Variants in HEMK2 observed in about 807,000 individuals in gnomAD.
The protein encoded by HEMK2 is methyltransferase HEMK2.
At chr21:28,583,756 T>C in the HEMK2 span, among the ~76,000 whole-genome samples, 2 of 152,190 alleles carry the variant, frequency 1.3e-5, no homozygotes, top group Admixed American at 6.5e-5. Context: ...CTGTGAATGA[T>C]TTCCCATTGT....
the HEMK2 span, among the ~76,000 whole-genome samples, chr21:28,737,075 C>T: frequency 1.3e-5 from 2 of 152,098 alleles, no homozygotes; most frequent in East Asian, 3.8e-4. Context: ...GTTGAGGAGG[C>T]AGATTTTCTG....
At chr21:28,848,922 C>T in the HEMK2 span, among the ~76,000 whole-genome samples, 26 of 152,296 alleles carry the variant, frequency 1.7e-4, no homozygotes, top group African/African-American at 5.8e-4. Context: ...CCCCTGCCTG[C>T]GCTCTGCCAC....
chr21:28,831,459 G>GA, the HEMK2 span, among the ~76,000 whole-genome samples: 5 of 31,042 alleles, frequency 1.6e-4, no homozygotes, highest in African/African-American at 1.0e-3. Context: ...AGAAAGAAAA[G>GA]AACGAAAGAA....
the HEMK2 span, among the ~76,000 whole-genome samples, chr21:28,816,520 G>T: frequency 1.3e-4 from 20 of 151,994 alleles, no homozygotes; most frequent in Admixed American, 1.3e-3. Context: ...AAATAAAAAT[G>T]AAAATGAAAA....
the HEMK2 span, among the ~76,000 whole-genome samples, chr21:28,768,230 G>A: frequency 6.6e-6 from 1 of 152,098 alleles, no homozygotes; most frequent in Non-Finnish European, 1.5e-5. Context: ...ACCACTGGAG[G>A]TTGGTGGAAG....
the HEMK2 span, among the ~76,000 whole-genome samples, chr21:28,767,110 TG>T: frequency 6.6e-6 from 1 of 152,020 alleles, no homozygotes; most frequent in African/African-American, 2.4e-5. Context: ...TGAGATCTGA[TG>T]GTTATAAAAA....
At chr21:28,807,436 G>C in the HEMK2 span, among the ~76,000 whole-genome samples, 2 of 152,156 alleles carry the variant, frequency 1.3e-5, no homozygotes, top group African/African-American at 4.8e-5. Flanking sequence ...ATTGTTATCA[G>C]GGATTGCCCT....
chr21:28,730,758 T>G, the HEMK2 span, among the ~76,000 whole-genome samples: 1 of 151,984 alleles, frequency 6.6e-6, no homozygotes, highest in East Asian at 1.9e-4. Flanking sequence ...AAGCCAGAAG[T>G]CACAATGTTT....
At chr21:28,705,190 C>T in the HEMK2 span, among the ~76,000 whole-genome samples, 2 of 152,180 alleles carry the variant, frequency 1.3e-5, no homozygotes, top group East Asian at 3.9e-4. Context: ...GATCAAGGCT[C>T]AAAATATTAA....
the HEMK2 span, among the ~76,000 whole-genome samples, chr21:28,719,368 GT>G: frequency 6.6e-6 from 1 of 152,116 alleles, no homozygotes; most frequent in Non-Finnish European, 1.5e-5. Context: ...CATGGGGGTG[GT>G]TTCCCCCATA....
At chr21:28,612,306 CACAA>C in the HEMK2 span, among the ~76,000 whole-genome samples, 2 of 151,986 alleles carry the variant, frequency 1.3e-5, no homozygotes, top group Non-Finnish European at 2.9e-5. Flanking sequence ...CTATATACCA[CACAA>C]ACAGAATTTA....
At chr21:28,606,868 T>G in the HEMK2 span, among the ~76,000 whole-genome samples, 2,825 of 152,314 alleles carry the variant, frequency 0.019, 108 homozygotes, top group African/African-American at 0.065. Context: ...AAGAAATTGC[T>G]ATCTTAACCT....
At chr21:28,638,323 A>T in the HEMK2 span, among the ~76,000 whole-genome samples, 2 of 152,134 alleles carry the variant, frequency 1.3e-5, no homozygotes, top group Admixed American at 1.3e-4. Flanking sequence ...CACTATGTGA[A>T]AGGAGGTATA....
the HEMK2 span, among the ~76,000 whole-genome samples, chr21:28,741,039 ATG>A: frequency 6.6e-6 from 1 of 152,148 alleles, no homozygotes; most frequent in Non-Finnish European, 1.5e-5. Context: ...TAATATACAC[ATG>A]TGTTAGCTCC....
the HEMK2 span, among the ~76,000 whole-genome samples, chr21:28,640,624 G>C: frequency 6.6e-6 from 1 of 152,198 alleles, no homozygotes; most frequent in East Asian, 1.9e-4. Context: ...TATCTGGAAA[G>C]TTTCCTCTGA....
At chr21:28,582,936 TCAGGGTTTTA>T in the HEMK2 span, among the ~76,000 whole-genome samples, 2 of 152,154 alleles carry the variant, frequency 1.3e-5, no homozygotes, top group African/African-American at 4.8e-5. Context: ...AGTACAACCA[TCAGGGTTTTA>T]CAGAATGGGT....
chr21:28,827,860 A>C, the HEMK2 span, among the ~76,000 whole-genome samples: 1 of 152,132 alleles, frequency 6.6e-6, no homozygotes, highest in African/African-American at 2.4e-5. Flanking sequence ...ATTTGAACCT[A>C]TCTCTGTGGG....
the HEMK2 span, among the ~76,000 whole-genome samples, chr21:28,643,890 C>G: frequency 6.6e-6 from 1 of 152,208 alleles, no homozygotes; most frequent in Admixed American, 6.5e-5. Flanking sequence ...AGTGTCCTGC[C>G]ATCTTGTGAT....
At chr21:28,718,455 AT>A in the HEMK2 span, among the ~76,000 whole-genome samples, 1 of 152,208 alleles carries the variant, frequency 6.6e-6, no homozygotes, top group East Asian at 1.9e-4. Context: ...CAAGTGTTGA[AT>A]TTAAGTCCAG....
Sources: allele counts gnomAD v4.1 joint callset (sites outside exome capture counted in the v4.1 genomes callset), GRCh38; gene constraint gnomAD v4.1.1; transcripts MANE v1.5; gene names NCBI Gene and HGNC (gene_info 2026-07-23, HGNC 2026-07-21).